STAB2: variants seen among roughly 807,000 people sequenced by gnomAD.
The protein encoded by STAB2 is stabilin 2.
STAB2 carries 288 observed loss-of-function variants against 338.1 expected under a neutral mutation model. The ratio of observed to expected loss-of-function variants is 0.85; its 90% CI spans 0.77 to 0.94. The LOEUF (loss-of-function observed/expected upper bound fraction) is 0.94, where lower values mean the gene tolerates loss of function less well. Ranked by LOEUF, STAB2 falls within the 40% of genes least tolerant of loss-of-function variation. The probability of loss-of-function intolerance (pLI) is 0.00; values close to 1 mark genes in which losing one functional copy is unlikely to be tolerated. For missense variants in STAB2, 3,141 were observed against 3,210.1 expected (o/e 0.98, Z 0.52); for synonymous variants, 1,202 against 1,193.3 (o/e 1.01, Z -0.15).
chr12:103,689,910 A>G lies in STAB2; in HGVS notation c.3110A>G (p.Gln1037Arg). The change falls in exon 29 of 69, where the codon CAA (glutamine) becomes CGA (arginine). Residue 1037 changes from glutamine (Q) to arginine (R), a missense_variant. By Grantham distance (43) the Gln-to-Arg change is conservative. Coordinates refer to ENST00000388887, the MANE Select transcript of STAB2 (RefSeq NM_017564.10). ...SNLTVLVPSQ[Q>R]ATEDMDQDEK... ...CTCACTGTCCTCGTGCCTTCCCAAC[A>G]AGCTACTGAGGACATGGACCAGGAT... is the stretch of plus-strand genomic sequence containing the variant. 1 of 1,614,180 alleles carries G rather than the reference A, an allele frequency of 6.2e-7. No individual in the cohort carries two copies. Among genetic ancestry groups the G allele is most frequent in the East Asian group, 2.2e-5 (1 of 44,892 alleles).
Position 103,640,153 on chromosome 12 carries a change from A to G in STAB2, c.937A>G (p.Asn313Asp), listed in dbSNP as rs1310045910. 1 of 1,613,668 alleles carries G rather than the reference A, an allele frequency of 6.2e-7. No individual in the cohort carries two copies. The highest frequency in any genetic ancestry group is 2.2e-5 in the East Asian group (1 of 44,882). ...CTGCGAGTGTAAGGAGCATTACCAG[A>G]ATTTCGTACCTGGAGTGGGGTGCAG... ...SHCECKEHYQ[N>D]FVPGVGCSMT... Residue 313 changes from asparagine to aspartate, a missense_variant, in exon 9 of 69, where the codon AAT becomes GAT. Asn to Asp is a conservative substitution (Grantham distance 23, BLOSUM62 1). Coordinates refer to ENST00000388887, the MANE Select transcript of STAB2 (RefSeq NM_017564.10).
intron 33 of STAB2, among the ~76,000 whole-genome samples, chr12:103,696,645 G>A (rs1433934753): frequency 6.6e-6 from 1 of 152,174 alleles, no homozygotes; most frequent in Non-Finnish European, 1.5e-5. Context: ...ACCCCTAGAT[G>A]TTAGGAATCA....
intron 3 of STAB2, among the ~76,000 whole-genome samples, chr12:103,606,761 G>T (rs151184696): frequency 3.4e-4 from 52 of 152,230 alleles, no homozygotes; most frequent in Middle Eastern, 6.8e-3. Flanking sequence ...GAGACAGGTG[G>T]ATCACGAGGT....
At chr12:103,667,524 G>T (rs11613563) in intron 19 of STAB2, among the ~76,000 whole-genome samples, 2 of 151,852 alleles carry the variant, frequency 1.3e-5, no homozygotes, top group Non-Finnish European at 2.9e-5. Context: ...GATTGTCTCA[G>T]CCCAGGGAAA....
rs145457939 is a variant in STAB2, at chr12:103,650,456, A to C, written c.1175-40A>C. ...TTTACTCCTCCTGTACCACTGACTC[A>C]TTTGGCGTTTTCTTTCTTTGTGTTA... is the stretch of plus-strand genomic sequence containing the variant. On this transcript the variant is annotated intron_variant, in intron 10 of 68. Coordinates refer to ENST00000388887, the MANE Select transcript of STAB2 (RefSeq NM_017564.10). 1.1e-4 allele frequency: 181 copies of C among 1,586,606 alleles called. 1 individual carries two copies. The East Asian group carries it at 3.7e-3, about 32-fold the overall frequency.
intron 7 of STAB2, among the ~76,000 whole-genome samples, 157 bp downstream of exon 7, chr12:103,637,393 C>A (rs1221969287): frequency 6.6e-6 from 1 of 152,194 alleles, no homozygotes; most frequent in Non-Finnish European, 1.5e-5. Context: ...GCAAAATGCT[C>A]AATAAATGGC....
At chr12:103,663,423 G>A (rs142033895) in intron 18 of STAB2, among the ~76,000 whole-genome samples, 1 of 152,196 alleles carries the variant, frequency 6.6e-6, no homozygotes, top group East Asian at 1.9e-4. Context: ...AACAATTCTT[G>A]GCATTCCGTG....
intron 25 of STAB2, among the ~76,000 whole-genome samples, chr12:103,678,684 G>A (rs867628931): frequency 2.4e-4 from 37 of 151,966 alleles, no homozygotes; most frequent in African/African-American, 3.4e-4. Context: ...CCACCACCAC[G>A]CCTGGCTAAT....
intron 45 of STAB2, among the ~76,000 whole-genome samples, chr12:103,725,490 T>A (rs1221995624): frequency 6.6e-6 from 1 of 152,190 alleles, no homozygotes; most frequent in Non-Finnish European, 1.5e-5. Context: ...GGACACAGAG[T>A]GCTCAATAGC....
At chr12:103,750,547 C>T in intron 59 of STAB2, 32 bp from the exon 60 acceptor site, 1 of 1,610,430 alleles carries the variant, frequency 6.2e-7, no homozygotes, top group Non-Finnish European at 8.5e-7. Context: ...AGAGAAGGAA[C>T]TTTTTCATCT....
chr12:103,619,687 G>T lies in STAB2; in HGVS notation c.332-781G>T, dbSNP rs111752336. ...TTCCGAATAAAATCTAAATTCCTTT[G>T]CTTACCATACTAGGCACTTCATTAA... On this transcript the variant is annotated intron_variant, in intron 3 of 68. Coordinates refer to ENST00000388887, the MANE Select transcript of STAB2 (RefSeq NM_017564.10). 5.5e-3 allele frequency among the ~76,000 whole-genome samples: 839 copies of T among 151,770 alleles called. 9 individuals carry two copies. The highest frequency in any genetic ancestry group is 0.019 in the African/African-American group (800 of 41,306).
At chr12:103,688,091 T>C in intron 27 of STAB2, 77 bp from the exon 28 acceptor site, 1 of 1,439,378 alleles carries the variant, frequency 6.9e-7, no homozygotes, top group Non-Finnish European at 9.8e-7. Flanking sequence ...AGAGATGCAC[T>C]GTGATTGCAC....
intron 6 of STAB2, among the ~76,000 whole-genome samples, chr12:103,636,162 G>A (rs1412892014): frequency 2.6e-5 from 4 of 151,210 alleles, no homozygotes; most frequent in Admixed American, 2.6e-4. Flanking sequence ...TCGTCATTTA[G>A]CATTAGGTGT....
intron 10 of STAB2, among the ~76,000 whole-genome samples, chr12:103,649,525 T>C (rs1293443497): frequency 1.3e-5 from 2 of 152,176 alleles, no homozygotes; most frequent in East Asian, 3.8e-4. Flanking sequence ...AAACACAGAC[T>C]TGGCCAATCA....
At chr12:103,641,057 C>T (rs916060196) in intron 9 of STAB2, among the ~76,000 whole-genome samples, 3 of 152,204 alleles carry the variant, frequency 2.0e-5, no homozygotes, top group Non-Finnish European at 2.9e-5. Context: ...TTTCAATTCT[C>T]GCTACCATCA....
chr12:103,761,343 A>T lies in STAB2; in HGVS notation c.7292A>T (p.Asp2431Val). The T allele has an allele frequency of 6.2e-7, 1 of 1,614,046 alleles. No individual in the cohort carries two copies. Among genetic ancestry groups the T allele is most frequent in the Non-Finnish European group, 8.5e-7 (1 of 1,179,986 alleles). ...FVDGRAILQW[D>V]IFASNGIIHV... ...GATGGAAGAGCCATTCTGCAGTGGG[A>T]CATCTTTGCCTCCAATGGGATCATT... Residue 2431 changes from aspartate (D) to valine (V), a missense_variant, in exon 66 of 69, where the codon GAC (aspartate) becomes GTC (valine). Transcript: ENST00000388887.
Position 103,709,198 on chromosome 12 carries a change from A to T in STAB2, c.4288+662A>T, listed in dbSNP as rs534136674. Among the ~76,000 whole-genome samples the T allele has an allele frequency of 1.1e-4, 17 of 152,254 alleles. No individual in the cohort carries two copies. The East Asian group carries it at 2.9e-3, about 26-fold the overall frequency. On this transcript the variant is annotated intron_variant, in intron 39 of 68. Transcript: ENST00000388887. ...GCTTCAGGTGAGGGCGGTCAAAGAG[A>T]AGGGAATTTCAGGCAGAAAGAAGCA...
chr12:103,589,789 G>A (rs892886654), intron 1 of STAB2, among the ~76,000 whole-genome samples: 1 of 152,162 alleles, frequency 6.6e-6, no homozygotes, highest in African/African-American at 2.4e-5. Context: ...TGAGTGAAGA[G>A]TTACAGCAGC....
chr12:103,761,781 T>C (rs1448207619), intron 66 of STAB2, among the ~76,000 whole-genome samples: 1 of 152,160 alleles, frequency 6.6e-6, no homozygotes, highest in Non-Finnish European at 1.5e-5. Flanking sequence ...AATGCCTCCC[T>C]CCTGGGTTTT....
Sources: gnomAD v4.1 joint callset for allele counts (sites outside exome capture counted in the v4.1 genomes callset) on GRCh38, gnomAD v4.1.1 for gene constraint, MANE v1.5 for transcripts, NCBI Gene and HGNC (gene_info 2026-07-23, HGNC 2026-07-21) for gene names.